The following ROBO1 variants were observed in gnomAD, a reference collection of about 807,000 sequenced individuals.
The protein encoded by ROBO1 is roundabout guidance receptor 1, also known as roundabout homolog 1.
A neutral mutation model predicts 195.9 loss-of-function variants in ROBO1; 149 were observed. That is an observed-to-expected ratio of 0.76 (90% CI 0.67 to 0.87). The LOEUF is 0.87. Among genes scored for constraint, ROBO1 ranks in the 40% least tolerant of loss-of-function variants. The pLI is 0.00. For synonymous variants in ROBO1, 816 were observed against 733.2 expected (o/e 1.11, Z -1.82); for missense variants, 1,933 against 2,068.3 (o/e 0.93, Z 1.27).
chr3:79,624,765 C>T (rs1945117414), intron 1 of ROBO1, among the ~76,000 whole-genome samples: 1 of 151,948 alleles, frequency 6.6e-6, no homozygotes, highest in African/African-American at 2.4e-5. Context: ...CTTTAACACC[C>T]CACTGTCTGT....
At position 79,595,763 on chromosome 3, in the gene ROBO1, C is replaced by CT. The variant is rs1233431531; in HGVS notation, c.-50-5803_-50-5802insA. On this transcript the variant is annotated intron_variant, in intron 1 of 30. Transcript: ENST00000464233. ...TTGTCGATATAGAGCCTATGTTGCC[C>CT]AAGATGGTCTCGAACTTCTGGCCTC... 7.3e-5 allele frequency among the ~76,000 whole-genome samples: 11 copies of CT among 150,876 alleles called. No homozygotes were observed. In the South Asian group the frequency reaches 2.1e-3, roughly 29 times the overall value.
chr3:79,499,167 G>A (rs1177689652), intron 2 of ROBO1, among the ~76,000 whole-genome samples: 1 of 152,038 alleles, frequency 6.6e-6, no homozygotes, highest in African/African-American at 2.4e-5. Flanking sequence ...GCTAATTTTT[G>A]AATTGTTAGT....
chr3:79,054,337 T>A (rs1221448819), intron 3 of ROBO1, among the ~76,000 whole-genome samples: 1 of 152,150 alleles, frequency 6.6e-6, no homozygotes, highest in Non-Finnish European at 1.5e-5. Context: ...CCTGATTTTT[T>A]AGCTAAATTA....
At chr3:78,804,146 A>G (rs528060849) in intron 4 of ROBO1, among the ~76,000 whole-genome samples, 2 of 152,318 alleles carry the variant, frequency 1.3e-5, no homozygotes, top group East Asian at 3.9e-4. Flanking sequence ...AAATAATAGC[A>G]TTAATATATC....
At chr3:78,946,892 A>T (rs571871231) in intron 3 of ROBO1, among the ~76,000 whole-genome samples, 1 of 152,288 alleles carries the variant, frequency 6.6e-6, no homozygotes, top group East Asian at 1.9e-4. Flanking sequence ...GATAAAACAG[A>T]CTTTAAACCA....
chr3:79,438,104 C>G (rs2038944332), intron 2 of ROBO1, among the ~76,000 whole-genome samples: 1 of 151,838 alleles, frequency 6.6e-6, no homozygotes, highest in South Asian at 2.1e-4. Flanking sequence ...ACCTGTCTAT[C>G]TATCCCTCAC....
At chr3:79,373,224 T>C (rs571095732) in intron 2 of ROBO1, among the ~76,000 whole-genome samples, 1 of 152,352 alleles carries the variant, frequency 6.6e-6, no homozygotes, top group East Asian at 1.9e-4. Flanking sequence ...TAATGATGTC[T>C]ACTTAAATGT....
At chr3:79,193,417 G>A (rs886655164) in intron 2 of ROBO1, among the ~76,000 whole-genome samples, 3 of 151,476 alleles carry the variant, frequency 2.0e-5, no homozygotes, top group Non-Finnish European at 4.4e-5. Flanking sequence ...TGTTAAAGGA[G>A]GGAAAGCTGA....
intron 3 of ROBO1, among the ~76,000 whole-genome samples, chr3:78,990,583 A>T (rs973628080): frequency 6.6e-6 from 1 of 152,196 alleles, no homozygotes; most frequent in Non-Finnish European, 1.5e-5. Flanking sequence ...AGGAGAAATC[A>T]TAGACAAAAA....
At chr3:79,595,781 C>G (rs1342171316) in intron 1 of ROBO1, among the ~76,000 whole-genome samples, 2 of 147,884 alleles carry the variant, frequency 1.4e-5, no homozygotes, top group African/African-American at 5.0e-5. Flanking sequence ...TCTCGAACTT[C>G]TGGCCTCAAG....
intron 1 of ROBO1, among the ~76,000 whole-genome samples, chr3:79,764,589 G>A (rs907655367): frequency 5.9e-5 from 9 of 152,172 alleles, no homozygotes; most frequent in African/African-American, 2.2e-4. Flanking sequence ...TCTTTGTGGT[G>A]TCTAGAGTTT....
At chr3:79,477,851 T>C (rs1264307686) in intron 2 of ROBO1, among the ~76,000 whole-genome samples, 1 of 152,220 alleles carries the variant, frequency 6.6e-6, no homozygotes, top group African/African-American at 2.4e-5. Context: ...ATGGATTCAA[T>C]TTCCTTACTG....
intron 1 of ROBO1, among the ~76,000 whole-genome samples, chr3:79,747,300 C>T (rs2100025401): frequency 6.6e-6 from 1 of 151,892 alleles, no homozygotes; most frequent in Admixed American, 6.6e-5. Flanking sequence ...AGGACTCCAA[C>T]AAGGAGGTTT....
chr3:78,659,847 T>C (rs1231146410), intron 16 of ROBO1, 40 bp from the exon 17 acceptor site: 3 of 1,546,896 alleles, frequency 1.9e-6, no homozygotes, highest in South Asian at 2.4e-5. Flanking sequence ...TAGAATGTGC[T>C]AGAGAACACT....
At chr3:79,173,263 G>A (rs973054340) in intron 2 of ROBO1, among the ~76,000 whole-genome samples, 5 of 152,164 alleles carry the variant, frequency 3.3e-5, no homozygotes, top group Non-Finnish European at 2.9e-5. Context: ...TCAGCCCACC[G>A]CTGCACTGTG....
intron 2 of ROBO1, among the ~76,000 whole-genome samples, chr3:79,302,680 T>G (rs1319869127): frequency 1.3e-5 from 2 of 151,872 alleles, no homozygotes; most frequent in South Asian, 2.1e-4. Context: ...AGAGAAAGAG[T>G]TTTTCCGTGT....
chr3:79,300,606 C>T (rs995357102), intron 2 of ROBO1, among the ~76,000 whole-genome samples: 26 of 152,198 alleles, frequency 1.7e-4, no homozygotes, highest in African/African-American at 6.3e-4. Context: ...GGCGTGCAGG[C>T]GCACTGCAGT....
intron 2 of ROBO1, among the ~76,000 whole-genome samples, chr3:79,219,357 C>T (rs1356264166): frequency 6.6e-6 from 1 of 151,806 alleles, no homozygotes; most frequent in Non-Finnish European, 1.5e-5. Flanking sequence ...TAGTTGCATA[C>T]CGAGGAAGTA....
chr3:79,699,675 G>C (rs1351442699), intron 1 of ROBO1, among the ~76,000 whole-genome samples: 2 of 150,944 alleles, frequency 1.3e-5, no homozygotes, highest in Admixed American at 6.6e-5. Context: ...CATAATTATA[G>C]AGCTCACAGT....
Sources: gnomAD v4.1 joint callset for allele counts (sites outside exome capture counted in the v4.1 genomes callset) on GRCh38, gnomAD v4.1.1 for gene constraint, MANE v1.5 for transcripts, NCBI Gene and HGNC (gene_info 2026-07-23, HGNC 2026-07-21) for gene names.